The following FBXO38 variants were observed in gnomAD, a reference collection of about 807,000 sequenced individuals.
FBXO38 encodes the protein F-box only protein 38.
In FBXO38, 53 loss-of-function variants were observed where a neutral mutation model predicts 131.9. The observed-to-expected ratio is 0.40, with a 90% CI of 0.32 to 0.51. FBXO38 has a LOEUF of 0.51. Ranked by LOEUF, FBXO38 falls within the 20% of genes least tolerant of loss-of-function variation. FBXO38 has a pLI of 0.53. For missense variants in FBXO38, 1,076 were observed against 1,475.6 expected, an observed-to-expected ratio of 0.73 and a Z score of 4.44; for synonymous variants, 452 against 505.6, an observed-to-expected ratio of 0.89 and a Z score of 1.42.
chr5:148,435,491 G>A (rs532957549), intron 17 of FBXO38, among the ~76,000 whole-genome samples: 1 of 152,268 alleles, frequency 6.6e-6, no homozygotes, highest in Admixed American at 6.5e-5. Context: ...GAGATTTGTG[G>A]CCGGGCGCAG....
intron 3 of FBXO38, among the ~76,000 whole-genome samples, chr5:148,401,611 C>T (rs1199634957): frequency 6.6e-6 from 1 of 152,030 alleles, no homozygotes; most frequent in East Asian, 1.9e-4. Context: ...CGAGAGTACC[C>T]ATGGGGGAGG....
chr5:148,417,224 A>T lies in FBXO38; in HGVS notation c.1618+20A>T. ...CTGACGGTAACCCAGATCTTTTATG[A>T]GCTCCAGATAGAAATGATTTTCACT... On this transcript the variant is annotated intron_variant, in intron 12 of 21. Coordinates refer to ENST00000340253, the MANE Select transcript of FBXO38 (RefSeq NM_205836.3). The T allele has an allele frequency of 6.8e-7, 1 of 1,481,336 alleles. No homozygotes were observed. The highest frequency in any genetic ancestry group is 9.4e-7 in the Non-Finnish European group (1 of 1,059,888). 91.8% of individuals were successfully genotyped at this position (1,481,336 alleles called of 1,614,324 possible). A position where few individuals can be genotyped will look rare whatever the true frequency, so the allele number is the denominator to read the frequency against.
intron 2 of FBXO38, among the ~76,000 whole-genome samples, chr5:148,397,339 T>C (rs554412980): frequency 4.6e-5 from 7 of 152,166 alleles, no homozygotes; most frequent in Non-Finnish European, 1.0e-4. Context: ...AGGGAAAATA[T>C]GATGTAAAAT....
At chr5:148,410,571 G>A in intron 8 of FBXO38, 64 bp from the exon 9 acceptor site, 5 of 1,574,414 alleles carry the variant, frequency 3.2e-6, no homozygotes, top group Non-Finnish European at 4.3e-6. Context: ...ACTTATATTA[G>A]GAGGAATCTT....
intron 1 of FBXO38, among the ~76,000 whole-genome samples, chr5:148,393,188 GGT>G (rs60593654): frequency 0.067 from 8,481 of 126,880 alleles, 321 homozygotes; most frequent in African/African-American, 0.12. Context: ...ACAGAAGAGG[GGT>G]GTGTGTGTGT....
chr5:148,435,999 C>T lies in FBXO38; in HGVS notation c.2857+2262C>T, dbSNP rs10044087. Among the ~76,000 whole-genome samples the T allele has an allele frequency of 7.6e-3, 1,150 of 152,114 alleles. 15 individuals carry two copies. The highest frequency in any genetic ancestry group is 0.026 in the African/African-American group (1,095 of 41,476). ...TATATTGGTGCAGTTTGTGGCACCC[C>T]ACAATTAAAACAGTAACATCAGAGA... On this transcript the variant is annotated intron_variant, in intron 17 of 21. Transcript: ENST00000340253.
chr5:148,439,577 C>G (rs1200051803), intron 18 of FBXO38, 70 bp from the exon 19 acceptor site: 2 of 1,439,452 alleles, frequency 1.4e-6, no homozygotes, highest in South Asian at 1.3e-5. Context: ...AAAGATTGTT[C>G]AAGCTCTCGG....
chr5:148,416,663 G>A (rs1753071784), intron 11 of FBXO38: 2 of 259,192 alleles, frequency 7.7e-6, no homozygotes, highest in Non-Finnish European at 1.5e-5. Context: ...TCCCACTGTT[G>A]AAGCAGTACA....
At chr5:148,411,856 G>A (rs905039514) in intron 9 of FBXO38, among the ~76,000 whole-genome samples, 5 of 152,114 alleles carry the variant, frequency 3.3e-5, no homozygotes, top group African/African-American at 7.2e-5. Flanking sequence ...TTTGAATGAA[G>A]TATCTAACAT....
intron 15 of FBXO38, among the ~76,000 whole-genome samples, chr5:148,432,523 T>C (rs927539407): frequency 6.6e-6 from 1 of 152,192 alleles, no homozygotes; most frequent in Non-Finnish European, 1.5e-5. Flanking sequence ...TTTCCTAATA[T>C]GTAAAACAGG....
chr5:148,416,053 T>C lies in FBXO38; in HGVS notation c.1390T>C (p.Phe464Leu). Reference protein sequence around the residue: ...SLEFISLDQMFREPPKGCARV... With the variant: ...SLEFISLDQMLREPPKGCARV... The stretch of plus-strand genomic sequence containing the variant: ...AGAGTTTATTTCACTGGATCAGATG[T>C]TTCGTGAACCACCCAAGGTAAGATA... Residue 464 changes from phenylalanine (F) to leucine (L), a missense_variant, in exon 11 of 22, where the codon TTT becomes CTT. Physicochemically the swap from Phe to Leu is conservative, Grantham distance 22. Around this residue, in one of 8 missense-constraint regions of FBXO38, gnomAD observed 146 missense variants for 274.3 expected, o/e 0.53. Coordinates refer to ENST00000340253, the MANE Select transcript of FBXO38 (RefSeq NM_205836.3). The C allele has an allele frequency of 6.2e-7, 1 of 1,601,866 alleles. No individual in the cohort carries two copies. Among genetic ancestry groups the C allele is most frequent in the Non-Finnish European group, 8.5e-7 (1 of 1,173,656 alleles).
intron 2 of FBXO38, among the ~76,000 whole-genome samples, chr5:148,398,349 A>C (rs116645827): frequency 3.9e-5 from 6 of 152,202 alleles, no homozygotes; most frequent in Admixed American, 3.9e-4. Flanking sequence ...AAAAGATAAT[A>C]AAGAAGAATG....
chr5:148,407,701 G>T (rs1159557857), intron 7 of FBXO38, among the ~76,000 whole-genome samples: 1 of 152,074 alleles, frequency 6.6e-6, no homozygotes, highest in African/African-American at 2.4e-5. Context: ...GAGGCGGGCG[G>T]ATCATGAGGT....
At chr5:148,414,103 C>CTT (rs371191634) in intron 9 of FBXO38, 33 bp from the exon 10 acceptor site, 147 of 1,222,732 alleles carry the variant, frequency 1.2e-4, no homozygotes, top group Admixed American at 3.5e-4. Context: ...AAGAATTTGA[C>CTT]TTTTTTTTTT....
intron 17 of FBXO38, chr5:148,434,121 G>A (rs1754201888): frequency 6.4e-6 from 1 of 155,854 alleles, no homozygotes; most frequent in Non-Finnish European, 1.4e-5. Flanking sequence ...GTGTATAACT[G>A]CTCTGTATTT....
intron 15 of FBXO38, among the ~76,000 whole-genome samples, chr5:148,428,553 G>A (rs1012520034): frequency 6.6e-6 from 1 of 152,142 alleles, no homozygotes; most frequent in African/African-American, 2.4e-5. Context: ...CATGGATTGG[G>A]TGTAAGCATA....
intron 12 of FBXO38, among the ~76,000 whole-genome samples, chr5:148,417,904 C>T (rs189976641): frequency 1.4e-3 from 208 of 152,288 alleles, no homozygotes; most frequent in Admixed American, 3.5e-3. Flanking sequence ...TGTTGTTCCC[C>T]ATTTGCCTAC....
At chr5:148,422,497 G>A (rs1437057867) in intron 12 of FBXO38, among the ~76,000 whole-genome samples, 1 of 152,082 alleles carries the variant, frequency 6.6e-6, no homozygotes, top group African/African-American at 2.4e-5. Context: ...TGTTACATAA[G>A]GCATTACTAT....
chr5:148,409,037 C>G (rs1752591576), intron 7 of FBXO38, 87 bp from the exon 8 acceptor site: 1 of 689,146 alleles, frequency 1.5e-6, no homozygotes, highest in Non-Finnish European at 2.6e-6. Context: ...TAATTATCAT[C>G]TCAGATAATA....
Sources: allele counts gnomAD v4.1 joint callset (sites outside exome capture counted in the v4.1 genomes callset), GRCh38; gene constraint gnomAD v4.1.1; regional missense constraint gnomAD v4.1.1; transcripts MANE v1.5; gene names NCBI Gene and HGNC (gene_info 2026-07-23, HGNC 2026-07-21).